Variants in PDZD2 observed in about 807,000 individuals in gnomAD.
The protein encoded by PDZD2 is PDZ domain containing 2, also known as PDZ domain-containing protein 2.
Under a neutral mutation model 220.7 loss-of-function variants are expected in PDZD2, and 90 were observed. The observed-to-expected ratio is 0.41, with a 90% CI of 0.34 to 0.49. The LOEUF (loss-of-function observed/expected upper bound fraction) is 0.49, where lower values mean the gene tolerates loss of function less well. Ranked by LOEUF, PDZD2 falls within the 20% of genes least tolerant of loss-of-function variation. The probability of loss-of-function intolerance (pLI) is 0.28; values close to 1 mark genes in which losing one functional copy is unlikely to be tolerated. For missense variants in PDZD2, 3,174 were observed against 3,608.5 expected (o/e 0.88, Z 3.08); for synonymous variants, 1,375 against 1,450.5 (o/e 0.95, Z 1.18).
chr5:32,093,995 CATAAG>C (rs930316269), intron 21 of PDZD2, among the ~76,000 whole-genome samples: 2 of 150,726 alleles, frequency 1.3e-5, no homozygotes, highest in East Asian at 1.9e-4. Context: ...AAAAAAAAGT[CATAAG>C]AGAAAGTGTA....
intron 24 of PDZD2, chr5:32,107,413 T>G (rs1365568958): frequency 1.3e-5 from 2 of 151,050 alleles, no homozygotes; most frequent in African/African-American, 2.4e-5. Flanking sequence ...AAAAAAAAGC[T>G]GTGCATGGTG....
At chr5:31,717,464 C>G (rs1418120305) in intron 1 of PDZD2, among the ~76,000 whole-genome samples, 1 of 152,148 alleles carries the variant, frequency 6.6e-6, no homozygotes, top group Non-Finnish European at 1.5e-5. Context: ...TCTTTGCTAC[C>G]AGAGAAAGGT....
chr5:32,054,031 T>C, intron 10 of PDZD2, 148 bp downstream of exon 10: 1 of 591,472 alleles, frequency 1.7e-6, no homozygotes, highest in South Asian at 2.1e-5. Context: ...AGCTTCACTT[T>C]CCCTAGTTGT....
At chr5:32,034,440 C>G (rs1362232010) in intron 6 of PDZD2, among the ~76,000 whole-genome samples, 1 of 150,680 alleles carries the variant, frequency 6.6e-6, no homozygotes, top group Non-Finnish European at 1.5e-5. Flanking sequence ...CTCGCTGGAA[C>G]CTCTGCCTCC....
chr5:31,927,169 A>G (rs1744862025), intron 2 of PDZD2, among the ~76,000 whole-genome samples: 1 of 152,210 alleles, frequency 6.6e-6, no homozygotes, highest in Non-Finnish European at 1.5e-5. Context: ...ATCATACAAT[A>G]TACCCAGGTA....
At chr5:31,897,441 T>A (rs904286770) in intron 2 of PDZD2, among the ~76,000 whole-genome samples, 2 of 152,182 alleles carry the variant, frequency 1.3e-5, no homozygotes, top group African/African-American at 4.8e-5. Flanking sequence ...CCTCTGTTAT[T>A]CCCTGTGTTG....
intron 1 of PDZD2, among the ~76,000 whole-genome samples, chr5:31,789,444 C>T (rs1361160121): frequency 6.6e-6 from 1 of 152,202 alleles, no homozygotes; most frequent in Non-Finnish European, 1.5e-5. Context: ...CTGAGACATA[C>T]CCTTCTTTCC....
intron 2 of PDZD2, among the ~76,000 whole-genome samples, chr5:31,806,430 A>C (rs931429006): frequency 7.2e-5 from 11 of 152,092 alleles, no homozygotes; most frequent in African/African-American, 2.4e-4. Flanking sequence ...CCTGATTCCT[A>C]CCTTTTCACT....
At position 32,089,248 on chromosome 5, in the gene PDZD2, C is replaced by A; in HGVS notation, c.5800C>A (p.Arg1934=). The A allele has an allele frequency of 6.2e-7, 1 of 1,614,154 alleles. No individual in the cohort carries two copies. Residue 1934 remains arginine (R), a synonymous_variant, in exon 20 of 25, where the codon CGG becomes AGG. Transcript: ENST00000438447. ...HKTLSKAVSQ[R]LHVADHEDPD... is the part of the protein sequence containing the mutation. ...AACACTTTCTAAGGCAGTGTCACAG[C>A]GGCTCCATGTAGCCGACCACGAGGA... is the stretch of plus-strand genomic sequence containing the variant.
chr5:31,991,620 A>G (rs1751215094), intron 3 of PDZD2, among the ~76,000 whole-genome samples: 1 of 152,232 alleles, frequency 6.6e-6, no homozygotes, highest in African/African-American at 2.4e-5. Context: ...TATCCTTAAT[A>G]TCGTTATATT....
intron 1 of PDZD2, among the ~76,000 whole-genome samples, chr5:31,680,376 A>C (rs1243103494): frequency 6.6e-6 from 1 of 152,138 alleles, no homozygotes; most frequent in African/African-American, 2.4e-5. Context: ...CCATCCATCT[A>C]TCTGATCAGA....
At chr5:31,770,737 TCA>T (rs917614655) in intron 1 of PDZD2, among the ~76,000 whole-genome samples, 1 of 152,138 alleles carries the variant, frequency 6.6e-6, no homozygotes, top group African/African-American at 2.4e-5. Flanking sequence ...ACACTGGGGT[TCA>T]GAGGGATGCT....
rs188936933 is a variant in PDZD2, at chr5:31,673,146, G to A, written c.-361+33709G>A. ...CTGACCTCTAAAAGTCAGTGGCAGGGCTCCCCTGGGACATCTCAGGTGGGA... is the reference window on the plus strand; with the variant it reads ...CTGACCTCTAAAAGTCAGTGGCAGGACTCCCCTGGGACATCTCAGGTGGGA... On this transcript the variant is annotated intron_variant, in intron 1 of 24. Coordinates refer to ENST00000438447, the MANE Select transcript of PDZD2 (RefSeq NM_178140.4). Among the ~76,000 whole-genome samples, 7 of 152,302 alleles carry A rather than the reference G, an allele frequency of 4.6e-5. No individual in the cohort carries two copies. The East Asian group carries it at 1.2e-3, about 25-fold the overall frequency.
intron 1 of PDZD2, among the ~76,000 whole-genome samples, chr5:31,722,240 G>A (rs1487485676): frequency 6.6e-6 from 1 of 152,082 alleles, no homozygotes; most frequent in Non-Finnish European, 1.5e-5. Context: ...CTTGCATGAG[G>A]CAGCCCCTCA....
chr5:31,742,216 G>A (rs775762586), intron 1 of PDZD2: 4 of 152,288 alleles, frequency 2.6e-5, no homozygotes, highest in Middle Eastern at 3.4e-3. Context: ...GGGTTATTGC[G>A]AAAAGTGAAA....
chr5:32,072,548 T>C (rs1461051307), intron 17 of PDZD2, among the ~76,000 whole-genome samples: 2 of 152,124 alleles, frequency 1.3e-5, no homozygotes, highest in African/African-American at 4.8e-5. Context: ...CTGGCTAACA[T>C]GGTGAAACCC....
intron 7 of PDZD2, 49 bp downstream of exon 7, chr5:32,037,391 C>A (rs754691032): frequency 3.8e-6 from 4 of 1,065,736 alleles, no homozygotes; most frequent in South Asian, 2.6e-5. Context: ...GAGTTTTCAG[C>A]CTCAGGAGCA....
intron 2 of PDZD2, among the ~76,000 whole-genome samples, chr5:31,948,665 A>G (rs1746879567): frequency 6.6e-6 from 1 of 152,164 alleles, no homozygotes; most frequent in Admixed American, 6.5e-5. Flanking sequence ...ATTCTAATAA[A>G]AGGAGTATGT....
chr5:32,074,121 A>G lies in PDZD2; in HGVS notation c.3015A>G (p.Ser1005=), dbSNP rs1741035298. The stretch of plus-strand genomic sequence containing the variant: ...CAGAGGATGACCCGAGGCGTGTCTC[A>G]ATTTCCTCTTCCAAGGGCATGGACG... ...PLSEDDPRRV[S]ISSSKGMDVH... is the part of the protein sequence containing the mutation. Residue 1005 remains serine, a synonymous_variant, in exon 18 of 25, where the codon TCA becomes TCG. Transcript: ENST00000438447. 1 of 1,614,048 alleles carries G rather than the reference A, an allele frequency of 6.2e-7. No individual in the cohort carries two copies. Among genetic ancestry groups the G allele is most frequent in the Admixed American group, 1.7e-5 (1 of 59,996 alleles).
Sources: gnomAD v4.1 joint callset for allele counts (sites outside exome capture counted in the v4.1 genomes callset) on GRCh38, gnomAD v4.1.1 for gene constraint, MANE v1.5 for transcripts, NCBI Gene and HGNC (gene_info 2026-07-23, HGNC 2026-07-21) for gene names.